The following AJAP1 variants were observed in gnomAD, a reference collection of about 807,000 sequenced individuals.
AJAP1 encodes adherens junction-associated protein 1.
AJAP1 carries 5 observed loss-of-function variants against 35.0 expected under a neutral mutation model. The ratio of observed to expected loss-of-function variants is 0.14; its 90% CI spans 0.07 to 0.30. AJAP1 has a LOEUF of 0.30. AJAP1 is among the 10% of genes least tolerant of loss of function. The pLI, the probability that AJAP1 is intolerant of heterozygous loss-of-function variation, is 1.00. For synonymous variants in AJAP1, 284 were observed against 249.3 expected (o/e 1.14, Z -1.31); for missense variants, 586 against 571.0 (o/e 1.03, Z -0.27).
At chr1:4,754,836 G>A (rs1286897552) in intron 2 of AJAP1, among the ~76,000 whole-genome samples, 2 of 151,320 alleles carry the variant, frequency 1.3e-5, no homozygotes, top group Non-Finnish European at 3.0e-5. Flanking sequence ...GCCTGCCCTT[G>A]GGTCCTCCTT....
At chr1:4,703,835 GA>G (rs1174189178) in intron 1 of AJAP1, among the ~76,000 whole-genome samples, 2 of 152,172 alleles carry the variant, frequency 1.3e-5, no homozygotes, top group Non-Finnish European at 2.9e-5. Context: ...CATTCCAGGA[GA>G]AGATACATCT....
chr1:4,755,610 G>A (rs1315823173), intron 2 of AJAP1, among the ~76,000 whole-genome samples: 3 of 152,248 alleles, frequency 2.0e-5, no homozygotes, highest in South Asian at 4.2e-4. Flanking sequence ...TGGAAGGCAT[G>A]TCTTGGATGT....
chr1:4,746,217 A>G (rs1002930585), intron 2 of AJAP1, among the ~76,000 whole-genome samples: 2 of 152,010 alleles, frequency 1.3e-5, no homozygotes, highest in African/African-American at 2.4e-5. Flanking sequence ...CTCTGCCTCC[A>G]TCATCCCGTG....
At chr1:4,764,832 G>A (rs1300667257) in intron 2 of AJAP1, among the ~76,000 whole-genome samples, 3 of 152,126 alleles carry the variant, frequency 2.0e-5, no homozygotes, top group Non-Finnish European at 2.9e-5. Flanking sequence ...CACGTGATGG[G>A]TTTGTTTTTG....
intron 2 of AJAP1, among the ~76,000 whole-genome samples, chr1:4,752,830 A>C (rs1641348287): frequency 6.6e-6 from 1 of 152,228 alleles, no homozygotes; most frequent in Non-Finnish European, 1.5e-5. Context: ...AAGTGGAAGA[A>C]TTCAAAGCAT....
chr1:4,726,332 T>C (rs577785336), intron 2 of AJAP1, among the ~76,000 whole-genome samples: 1 of 152,252 alleles, frequency 6.6e-6, no homozygotes, highest in East Asian at 1.9e-4. Flanking sequence ...AGGGTTTATG[T>C]GCATGCGGTA....
chr1:4,767,046 G>A (rs1043094320), intron 2 of AJAP1, among the ~76,000 whole-genome samples: 5 of 152,166 alleles, frequency 3.3e-5, no homozygotes, highest in African/African-American at 9.7e-5. Context: ...ACGTTTTAAT[G>A]TGGGAAGTCT....
At chr1:4,752,365 A>T (rs1641338912) in intron 2 of AJAP1, among the ~76,000 whole-genome samples, 1 of 152,068 alleles carries the variant, frequency 6.6e-6, no homozygotes, top group African/African-American at 2.4e-5. Context: ...GGATCTGGGC[A>T]AGAGAGGACG....
rs1382688624 is a variant in AJAP1 at position 4,692,263 on chromosome 1, A to G, written c.30-19637A>G. On this transcript the variant is annotated intron_variant, in intron 1 of 5. Transcript: ENST00000378191. This position sits in a 1 kb window ranked among gnomAD's most constrained non-coding sequence, Gnocchi z 4.4. ...CGCCGCTGCCTCCCGCCACCAGGACAGGGTTGTCAGGGCTTCTCGGGCTCC... is the reference window on the plus strand; with the variant it reads ...CGCCGCTGCCTCCCGCCACCAGGACGGGGTTGTCAGGGCTTCTCGGGCTCC... Among the ~76,000 whole-genome samples, 1 of 152,032 alleles carries G rather than the reference A, an allele frequency of 6.6e-6. No individual in the cohort carries two copies. Among genetic ancestry groups the G allele is most frequent in the African/African-American group, 2.4e-5 (1 of 41,398 alleles).
chr1:4,782,008 T>C lies in AJAP1; in HGVS notation c.*60-537T>C, dbSNP rs1293643117. Reference sequence around the variant, plus strand: ...GGGGAGATGTGGGAGGTGGATTTTCTGATGCAGTCCATTTATCTCTCCCGA... The same window carrying C: ...GGGGAGATGTGGGAGGTGGATTTTCCGATGCAGTCCATTTATCTCTCCCGA... On this transcript the variant is annotated intron_variant, in intron 5 of 5. Transcript: ENST00000378191. The surrounding 1 kb of genome is among the most constrained non-coding windows in gnomAD (Gnocchi z 5.3). Among the ~76,000 whole-genome samples the C allele has an allele frequency of 6.6e-6, 1 of 152,192 alleles. No homozygotes were observed. The highest frequency in any genetic ancestry group is 1.5e-5 in the Non-Finnish European group (1 of 68,028).
chr1:4,748,789 C>A (rs571233794), intron 2 of AJAP1, among the ~76,000 whole-genome samples: 1 of 149,938 alleles, frequency 6.7e-6, no homozygotes, highest in South Asian at 2.2e-4. Context: ...GGAACCAGGG[C>A]TCTTACAAAA....
Position 4,692,109 on chromosome 1 carries a change from C to T in AJAP1, c.30-19791C>T, listed in dbSNP as rs1639752869. Among the ~76,000 whole-genome samples, 1 of 152,168 alleles carries T rather than the reference C, an allele frequency of 6.6e-6. No homozygotes were observed. The highest frequency in any genetic ancestry group is 2.4e-5 in the African/African-American group (1 of 41,446). On this transcript the variant is annotated intron_variant, in intron 1 of 5. Coordinates refer to ENST00000378191, the MANE Select transcript of AJAP1 (RefSeq NM_018836.4). This position sits in a 1 kb window ranked among gnomAD's most constrained non-coding sequence, Gnocchi z 4.4. ...CAGGTGGCATGGCGCCCGGCCGGCC[C>T]TGCGTGGATCTATTATCTCTGCATC...
intron 1 of AJAP1, among the ~76,000 whole-genome samples, chr1:4,677,379 C>T (rs531762867): frequency 2.4e-4 from 37 of 152,210 alleles, no homozygotes; most frequent in African/African-American, 7.5e-4. Flanking sequence ...CCTGATTCCA[C>T]GAATAGAGAG....
At chr1:4,740,229 G>A (rs1054466478) in intron 2 of AJAP1, among the ~76,000 whole-genome samples, 1 of 151,366 alleles carries the variant, frequency 6.6e-6, no homozygotes, top group African/African-American at 2.4e-5. Flanking sequence ...GCTGAACCTT[G>A]AGGACATTCT....
chr1:4,689,014 A>G (rs1389147782), intron 1 of AJAP1, among the ~76,000 whole-genome samples: 1 of 151,942 alleles, frequency 6.6e-6, no homozygotes, highest in Non-Finnish European at 1.5e-5. Context: ...CCTCTCACAT[A>G]CGTGCTCAGG....
At chr1:4,739,257 G>A (rs899241592) in intron 2 of AJAP1, among the ~76,000 whole-genome samples, 4 of 152,214 alleles carry the variant, frequency 2.6e-5, no homozygotes, top group Non-Finnish European at 5.9e-5. Context: ...TCACAATGCT[G>A]CAAACCTGCG....
intron 2 of AJAP1, among the ~76,000 whole-genome samples, chr1:4,763,619 G>A (rs1319698985): frequency 1.3e-5 from 2 of 152,164 alleles, no homozygotes; most frequent in South Asian, 2.1e-4. Context: ...TGGAAGATCC[G>A]CATTCAGCCA....
At chr1:4,721,688 A>G (rs1640519241) in intron 2 of AJAP1, among the ~76,000 whole-genome samples, 1 of 152,104 alleles carries the variant, frequency 6.6e-6, no homozygotes, top group South Asian at 2.1e-4. Flanking sequence ...CTGCTGGGGA[A>G]TCTTGGGTTG....
At chr1:4,722,902 A>C (rs1339323197) in intron 2 of AJAP1, among the ~76,000 whole-genome samples, 1 of 152,184 alleles carries the variant, frequency 6.6e-6, no homozygotes, top group East Asian at 1.9e-4. Context: ...GCAAGGTTCC[A>C]GGAGGCTTGG....
Sources: gnomAD v4.1 joint callset for allele counts (sites outside exome capture counted in the v4.1 genomes callset) on GRCh38, gnomAD v4.1.1 for gene constraint, Gnocchi (gnomAD v3.1) non-coding constraint, MANE v1.5 for transcripts, NCBI Gene and HGNC (gene_info 2026-07-23, HGNC 2026-07-21) for gene names.